The following SLC24A2 variants were observed in gnomAD, a reference collection of about 807,000 sequenced individuals.
The protein encoded by SLC24A2 is solute carrier family 24 member 2.
Under a neutral mutation model 62.0 loss-of-function variants are expected in SLC24A2, and 36 were observed. The ratio of observed to expected loss-of-function variants is 0.58; its 90% CI spans 0.44 to 0.77. SLC24A2 has a LOEUF of 0.77. Among genes scored for constraint, SLC24A2 ranks in the 30% least tolerant of loss-of-function variants. SLC24A2 has a pLI of 0.00. For synonymous variants in SLC24A2, 358 were observed against 294.0 expected, an observed-to-expected ratio of 1.22 and a Z score of -2.23; for missense variants, 846 against 817.9, an observed-to-expected ratio of 1.03 and a Z score of -0.42.
chr9:19,995,373 G>A, the SLC24A2 span, among the ~76,000 whole-genome samples: 1 of 152,130 alleles, frequency 6.6e-6, no homozygotes, highest in Admixed American at 6.5e-5. Context: ...TGGAGGTTAT[G>A]TGTGGGTGCC....
chr9:19,629,554 G>A (rs1043363036), intron 2 of SLC24A2, among the ~76,000 whole-genome samples: 2 of 152,116 alleles, frequency 1.3e-5, no homozygotes, highest in African/African-American at 4.8e-5. Flanking sequence ...AGGTCATAGG[G>A]GCACTTTTTA....
chr9:20,166,538 A>T, the SLC24A2 span, among the ~76,000 whole-genome samples: 1 of 152,022 alleles, frequency 6.6e-6, no homozygotes, highest in East Asian at 1.9e-4. Flanking sequence ...AGGTGAAAAA[A>T]TAACAATGTA....
At chr9:19,524,953 T>C (rs73645414) in intron 9 of SLC24A2, among the ~76,000 whole-genome samples, 2,754 of 152,274 alleles carry the variant, frequency 0.018, 89 homozygotes, top group African/African-American at 0.063. Context: ...TATTAGTACA[T>C]GAAGAAATAG....
chr9:19,891,022 C>T, the SLC24A2 span, among the ~76,000 whole-genome samples: 323 of 152,338 alleles, frequency 2.1e-3, no homozygotes, highest in African/African-American at 6.9e-3. Flanking sequence ...CTAATATCCC[C>T]CACTTGTTAA....
intron 2 of SLC24A2, among the ~76,000 whole-genome samples, chr9:19,771,159 C>T (rs950721210): frequency 6.6e-6 from 1 of 152,174 alleles, no homozygotes; most frequent in African/African-American, 2.4e-5. Flanking sequence ...CTGCCAATAA[C>T]ACTTACTTGG....
intron 2 of SLC24A2, among the ~76,000 whole-genome samples, chr9:19,703,988 G>A (rs1328842832): frequency 3.3e-5 from 5 of 152,146 alleles, no homozygotes; most frequent in African/African-American, 1.2e-4. Flanking sequence ...TCCTAGCAGG[G>A]CAATTGGAAA....
At chr9:19,776,331 C>A (rs1216281199) in intron 2 of SLC24A2, among the ~76,000 whole-genome samples, 2 of 152,170 alleles carry the variant, frequency 1.3e-5, no homozygotes, top group African/African-American at 4.8e-5. Context: ...TAAATTTGAA[C>A]CTTAGGCAAT....
At chr9:19,911,071 C>A in the SLC24A2 span, among the ~76,000 whole-genome samples, 1 of 108,280 alleles carries the variant, frequency 9.2e-6, no homozygotes, top group African/African-American at 3.6e-5. Flanking sequence ...TCCCCCCTCC[C>A]CCCACCCCAC....
At chr9:20,061,512 C>T in the SLC24A2 span, among the ~76,000 whole-genome samples, 1 of 152,096 alleles carries the variant, frequency 6.6e-6, no homozygotes, top group Non-Finnish European at 1.5e-5. Context: ...GTCTTGAGCT[C>T]CTGACCTCAA....
At chr9:20,291,901 G>T in the SLC24A2 span, among the ~76,000 whole-genome samples, 3 of 152,144 alleles carry the variant, frequency 2.0e-5, no homozygotes, top group African/African-American at 7.2e-5. Flanking sequence ...AACAAGGCAG[G>T]ATGCTATGCT....
At chr9:19,857,342 C>A in the SLC24A2 span, among the ~76,000 whole-genome samples, 1 of 152,198 alleles carries the variant, frequency 6.6e-6, no homozygotes, top group Non-Finnish European at 1.5e-5. Flanking sequence ...CTAGGACAAT[C>A]ATCTTCCCAT....
chr9:20,002,129 C>T, the SLC24A2 span, among the ~76,000 whole-genome samples: 9 of 152,264 alleles, frequency 5.9e-5, no homozygotes, highest in Non-Finnish European at 1.0e-4. Flanking sequence ...AGTACCACCA[C>T]CTCTGGTGCA....
chr9:19,861,926 A>G, the SLC24A2 span, among the ~76,000 whole-genome samples: 2 of 152,096 alleles, frequency 1.3e-5, no homozygotes, highest in African/African-American at 4.8e-5. Context: ...ATAAAAACCA[A>G]TGAAGCATGT....
the SLC24A2 span, among the ~76,000 whole-genome samples, chr9:19,871,709 A>T: frequency 1.6e-4 from 24 of 152,318 alleles, no homozygotes; most frequent in East Asian, 4.2e-3. Flanking sequence ...GTGTAAAAAT[A>T]AGGTATTTTT....
At chr9:20,265,872 C>T in the SLC24A2 span, among the ~76,000 whole-genome samples, 2 of 152,144 alleles carry the variant, frequency 1.3e-5, no homozygotes, top group Non-Finnish European at 2.9e-5. Flanking sequence ...GGGTGGGCCT[C>T]TAAAATGGCC....
Position 19,687,963 on chromosome 9 carries a change from C to G in SLC24A2, c.931-65664G>C, listed in dbSNP as rs541543849. Among the ~76,000 whole-genome samples the G allele has an allele frequency of 2.0e-5, 3 of 152,184 alleles. 1 individual carries two copies. The highest frequency in any genetic ancestry group is 4.2e-4 in the South Asian group (2 of 4,816). The stretch of plus-strand genomic sequence containing the variant: ...CTTCTAGTGTTTATGCATAAACACT[C>G]TGTACTTTCCAGTAATTTATCTCTC... On this transcript the variant is annotated intron_variant, in intron 2 of 10. Coordinates refer to ENST00000341998, the MANE Select transcript of SLC24A2 (RefSeq NM_020344.4).
At chr9:20,259,062 T>C in the SLC24A2 span, among the ~76,000 whole-genome samples, 12 of 152,036 alleles carry the variant, frequency 7.9e-5, no homozygotes, top group African/African-American at 2.9e-4. Context: ...CTGGGAAGAA[T>C]AGTAAGAGAG....
At chr9:20,082,181 T>C in the SLC24A2 span, among the ~76,000 whole-genome samples, 1 of 152,210 alleles carries the variant, frequency 6.6e-6, no homozygotes, top group Admixed American at 6.5e-5. Context: ...ATTGACAACA[T>C]TCCAGGAATT....
chr9:19,909,310 C>G, the SLC24A2 span, among the ~76,000 whole-genome samples: 1 of 150,028 alleles, frequency 6.7e-6, no homozygotes, highest in Non-Finnish European at 1.5e-5. Context: ...GGAAGGGGAA[C>G]ATCACACACA....
Sources: gnomAD v4.1 joint callset for allele counts (sites outside exome capture counted in the v4.1 genomes callset) on GRCh38, gnomAD v4.1.1 for gene constraint, MANE v1.5 for transcripts, NCBI Gene and HGNC (gene_info 2026-07-23, HGNC 2026-07-21) for gene names.